ASIC2: variants seen among roughly 807,000 people sequenced by gnomAD.
ASIC2 encodes the protein acid-sensing ion channel 2.
A neutral mutation model predicts 57.3 loss-of-function variants in ASIC2; 25 were observed. That is an observed-to-expected ratio of 0.44 (90% CI 0.32 to 0.61). ASIC2 has a LOEUF of 0.61. Ranked by LOEUF, ASIC2 falls within the 20% of genes least tolerant of loss-of-function variation. The probability of loss-of-function intolerance (pLI) is 0.06; values close to 1 mark genes in which losing one functional copy is unlikely to be tolerated. For synonymous variants in ASIC2, 319 were observed against 307.5 expected, an observed-to-expected ratio of 1.04 and a Z score of -0.39; for missense variants, 641 against 738.1, an observed-to-expected ratio of 0.87 and a Z score of 1.52.
chr17:33,083,741 AG>A (rs1450922183), intron 3 of ASIC2, among the ~76,000 whole-genome samples: 1 of 152,202 alleles, frequency 6.6e-6, no homozygotes, highest in Non-Finnish European at 1.5e-5. Context: ...GGTCCATCCT[AG>A]TCAACCACAG....
chr17:33,065,611 G>A (rs2092040453), intron 3 of ASIC2, among the ~76,000 whole-genome samples: 1 of 151,970 alleles, frequency 6.6e-6, no homozygotes, highest in African/African-American at 2.4e-5. Context: ...AATAATATCT[G>A]GAGGAGGATA....
At chr17:33,236,177 C>A (rs1183160581) in intron 1 of ASIC2, among the ~76,000 whole-genome samples, 1 of 151,928 alleles carries the variant, frequency 6.6e-6, no homozygotes. Flanking sequence ...TGGGTTAAGA[C>A]TTCTGGGGAT....
intron 1 of ASIC2, among the ~76,000 whole-genome samples, chr17:33,312,671 A>G (rs1906480877): frequency 6.6e-6 from 1 of 152,206 alleles, no homozygotes; most frequent in Non-Finnish European, 1.5e-5. Context: ...GCGGTGGCTC[A>G]TGCCTGTAAT....
chr17:33,423,399 A>C (rs1171690364), intron 1 of ASIC2, among the ~76,000 whole-genome samples: 1 of 152,186 alleles, frequency 6.6e-6, no homozygotes, highest in African/African-American at 2.4e-5. Context: ...CCATTTCCTC[A>C]TCTGTAAAAA....
chr17:33,662,781 T>C (rs1191342613), intron 1 of ASIC2, among the ~76,000 whole-genome samples: 1 of 148,322 alleles, frequency 6.7e-6, no homozygotes, highest in African/African-American at 2.5e-5. Flanking sequence ...ACTTGTCTTT[T>C]TCTTTTCTTC....
intron 1 of ASIC2, among the ~76,000 whole-genome samples, chr17:33,529,490 G>A (rs1914985060): frequency 6.6e-6 from 1 of 152,180 alleles, no homozygotes; most frequent in South Asian, 2.1e-4. Context: ...AACTACTCAA[G>A]TAGAATCTGC....
intron 3 of ASIC2, among the ~76,000 whole-genome samples, chr17:33,033,163 C>T (rs913348082): frequency 3.3e-5 from 5 of 152,166 alleles, no homozygotes; most frequent in East Asian, 3.9e-4. Flanking sequence ...CTGCACACTC[C>T]GTAGAGCCAG....
chr17:33,095,242 TC>T (rs1203723305), intron 2 of ASIC2, among the ~76,000 whole-genome samples: 1 of 152,184 alleles, frequency 6.6e-6, no homozygotes, highest in African/African-American at 2.4e-5. Flanking sequence ...TGCTAGTCCC[TC>T]CATGTAGACT....
intron 1 of ASIC2, among the ~76,000 whole-genome samples, chr17:33,188,852 A>C (rs1906305176): frequency 6.6e-6 from 1 of 152,214 alleles, no homozygotes; most frequent in East Asian, 1.9e-4. Context: ...GGAAGTTTGA[A>C]TTTACATAAG....
At chr17:33,433,029 C>A (rs527595678) in intron 1 of ASIC2, among the ~76,000 whole-genome samples, 1 of 152,310 alleles carries the variant, frequency 6.6e-6, no homozygotes, top group Admixed American at 6.5e-5. Context: ...AACTACCATT[C>A]AACCCAGCAA....
intron 1 of ASIC2, among the ~76,000 whole-genome samples, chr17:33,717,351 C>T (rs1188461111): frequency 1.3e-5 from 2 of 152,178 alleles, no homozygotes; most frequent in Non-Finnish European, 2.9e-5. Flanking sequence ...AGTGAGGGCC[C>T]TCTGTGGAGT....
intron 1 of ASIC2, among the ~76,000 whole-genome samples, chr17:33,309,705 C>T (rs967856433): frequency 6.6e-6 from 1 of 151,994 alleles, no homozygotes; most frequent in African/African-American, 2.4e-5. Flanking sequence ...GTGTCCATCC[C>T]TTAAAACCCC....
chr17:33,168,385 T>C (rs1337733620), intron 1 of ASIC2, among the ~76,000 whole-genome samples: 1 of 152,190 alleles, frequency 6.6e-6, no homozygotes, highest in Non-Finnish European at 1.5e-5. Flanking sequence ...TGTATTGCTA[T>C]AAAAGGAGCA....
intron 1 of ASIC2, among the ~76,000 whole-genome samples, chr17:33,334,443 G>A (rs1907435537): frequency 6.6e-6 from 1 of 152,176 alleles, no homozygotes; most frequent in South Asian, 2.1e-4. Context: ...GGCTTCAGGT[G>A]TGGGAAGAGC....
At chr17:33,144,660 T>C (rs1904481114) in intron 1 of ASIC2, among the ~76,000 whole-genome samples, 1 of 151,960 alleles carries the variant, frequency 6.6e-6, no homozygotes, top group Non-Finnish European at 1.5e-5. Context: ...AATTCCAAGG[T>C]GGAAAACCTC....
At chr17:33,425,994 G>A (rs1281456742) in intron 1 of ASIC2, among the ~76,000 whole-genome samples, 1 of 152,180 alleles carries the variant, frequency 6.6e-6, no homozygotes, top group Non-Finnish European at 1.5e-5. Context: ...GCTAGTAAGG[G>A]CAAGGGCTTT....
chr17:34,099,139 AGAGAGACAGAGAGAGAGAG>A, intron 1 of ASIC2, among the ~76,000 whole-genome samples: 1 of 21,600 alleles, frequency 4.6e-5, no homozygotes, highest in African/African-American at 1.2e-4. Context: ...AGAGAGAGAG[AGAGAGACAGAGAGAGAGAG>A]AGAGAGAAAG....
intron 1 of ASIC2, among the ~76,000 whole-genome samples, chr17:33,462,295 C>T (rs951973049): frequency 1.3e-5 from 2 of 152,198 alleles, no homozygotes; most frequent in African/African-American, 4.8e-5. Context: ...ATTTTCCAGC[C>T]TCTTTTACAT....
intron 1 of ASIC2, among the ~76,000 whole-genome samples, chr17:33,677,009 C>A (rs946502085): frequency 4.6e-5 from 7 of 152,204 alleles, no homozygotes; most frequent in African/African-American, 1.7e-4. Flanking sequence ...GTGAAGTACC[C>A]GCTCCTGCTT....
Sources: gnomAD v4.1 joint callset for allele counts (sites outside exome capture counted in the v4.1 genomes callset) on GRCh38, gnomAD v4.1.1 for gene constraint, MANE v1.5 for transcripts, NCBI Gene and HGNC (gene_info 2026-07-23, HGNC 2026-07-21) for gene names.